ABCC9: variants seen among roughly 807,000 people sequenced by gnomAD.
ABCC9 encodes ATP-binding cassette sub-family C member 9.
ABCC9 carries 95 observed loss-of-function variants against 188.3 expected under a neutral mutation model. The observed-to-expected ratio is 0.50, with a 90% CI of 0.43 to 0.60. The LOEUF (loss-of-function observed/expected upper bound fraction) is 0.60. Ranked by LOEUF, ABCC9 falls within the 20% of genes least tolerant of loss-of-function variation. The pLI is 0.00. For synonymous variants in ABCC9, 659 were observed against 652.7 expected (o/e 1.01, Z -0.15); for missense variants, 1,102 against 1,876.3 (o/e 0.59, Z 7.62).
chr12:21,924,680 C>A (rs1462531332), intron 5 of ABCC9: 5 of 151,946 alleles, frequency 3.3e-5, no homozygotes, highest in African/African-American at 1.2e-4. Context: ...TATAACCTTT[C>A]TTTTTACCAT....
rs749597050 is a variant in ABCC9, at chr12:21,933,900, C to T, written c.166G>A (p.Val56Ile). 3 of 1,613,540 alleles carry T rather than the reference C, an allele frequency of 1.9e-6. No homozygotes were observed. Among genetic ancestry groups the T allele is most frequent in the Non-Finnish European group, 2.5e-6 (3 of 1,179,624 alleles). Residue 56 changes from valine to isoleucine, a missense_variant, in exon 4 of 40, where the codon GTA becomes ATA. Physicochemically the swap from Val to Ile is conservative, Grantham distance 29. Coordinates refer to ENST00000261200, the MANE Select transcript of ABCC9 (RefSeq NM_020297.4). ...FIGWGSQSSK[V>I]QIHHNTWLHF... The stretch of plus-strand genomic sequence containing the variant: ...AGCCATGTGTTGTGGTGAATTTGTA[C>T]TTTTGAGCTTTGGCTCCCCCACCCT...
At position 21,876,098 on chromosome 12, in the gene ABCC9, C is replaced by T. The variant is rs1424098609; in HGVS notation, c.2020-372G>A. Among the ~76,000 whole-genome samples the T allele has an allele frequency of 8.5e-5, 13 of 152,088 alleles. 1 individual carries two copies. On this transcript the variant is annotated intron_variant, in intron 16 of 39. Coordinates refer to ENST00000261200, the MANE Select transcript of ABCC9 (RefSeq NM_020297.4). ...ATAAAAACTTGTAAGTACTAAAAGA[C>T]TCAACCCAAGGTAGAACACACAACG...
chr12:21,852,051 C>G, intron 24 of ABCC9, 46 bp downstream of exon 24: 1 of 1,609,966 alleles, frequency 6.2e-7, no homozygotes, highest in Non-Finnish European at 8.5e-7. Context: ...AAATTTCTAA[C>G]TCTTCTGAAT....
chr12:21,885,415 AT>A (rs1946823135), intron 15 of ABCC9, among the ~76,000 whole-genome samples: 1 of 151,930 alleles, frequency 6.6e-6, no homozygotes, highest in African/African-American at 2.4e-5. Context: ...TCTCAGTTCA[AT>A]TTTTCTTCTA....
intron 3 of ABCC9, among the ~76,000 whole-genome samples, chr12:21,936,162 A>C (rs958342647): frequency 1.3e-5 from 2 of 152,154 alleles, no homozygotes; most frequent in Non-Finnish European, 2.9e-5. Flanking sequence ...TGACTTTAAC[A>C]CATCTGCCCC....
At chr12:21,915,945 G>A (rs773231196) in intron 6 of ABCC9, 35 bp from the exon 7 acceptor site, 4 of 1,588,924 alleles carry the variant, frequency 2.5e-6, no homozygotes, top group East Asian at 4.5e-5. Flanking sequence ...ATAACAATTA[G>A]TCCAATTATT....
rs1941229512 is a variant in ABCC9 at position 21,797,915 on chromosome 12, A to AAAATTTATAAAATTTAT, written c.*3128_*3129insATAAATTTTATAAATTT. The AAAATTTATAAAATTTAT allele has an allele frequency of 6.6e-6, 1 of 152,216 alleles. No individual in the cohort carries two copies. Among genetic ancestry groups the AAAATTTATAAAATTTAT allele is most frequent in the Non-Finnish European group, 1.5e-5 (1 of 68,036 alleles). 9.4% of individuals were successfully genotyped at this position (152,216 alleles called of 1,614,324 possible). A position where few individuals can be genotyped will look rare whatever the true frequency, so the allele number is the denominator to read the frequency against. On this transcript the variant is annotated 3_prime_UTR_variant, in exon 40 of 40. Coordinates refer to ENST00000261200, the MANE Select transcript of ABCC9 (RefSeq NM_020297.4). ...AATTAAATATAAAATTTATAAATGT[A>AAAATTTATAAAATTTAT]AAATCTGATTTAGTTAAGGTGGTCA...
At chr12:21,827,362 G>A (rs1346759801) in intron 31 of ABCC9, 2 of 962,710 alleles carry the variant, frequency 2.1e-6, no homozygotes, top group Non-Finnish European at 1.2e-6. Flanking sequence ...CAAGTCCAAG[G>A]CAAATATGCT....
intron 14 of ABCC9, 78 bp downstream of exon 14, chr12:21,893,954 A>G (rs1330978383): frequency 3.4e-6 from 5 of 1,450,338 alleles, no homozygotes; most frequent in African/African-American, 1.4e-5. Flanking sequence ...TCTTTTTTAT[A>G]TTTTTTCAAA....
chr12:21,882,454 T>C (rs1301899229), intron 16 of ABCC9, among the ~76,000 whole-genome samples: 3 of 152,218 alleles, frequency 2.0e-5, no homozygotes, highest in Admixed American at 6.5e-5. Flanking sequence ...GGTATTCTCA[T>C]TAATCAATTT....
intron 4 of ABCC9, among the ~76,000 whole-genome samples, chr12:21,926,883 C>T (rs973973667): frequency 9.2e-5 from 14 of 152,296 alleles, no homozygotes; most frequent in African/African-American, 2.6e-4. Flanking sequence ...TAGTAGACAG[C>T]CCTCAACTCC....
intron 12 of ABCC9, among the ~76,000 whole-genome samples, chr12:21,904,719 C>T (rs1285004721): frequency 6.6e-6 from 1 of 152,174 alleles, no homozygotes; most frequent in Non-Finnish European, 1.5e-5. Context: ...CAAATTAAAA[C>T]CACAATGAGA....
chr12:21,864,529 C>A, intron 18 of ABCC9, 52 bp from the exon 19 acceptor site: 1 of 1,257,218 alleles, frequency 8.0e-7, no homozygotes, highest in Non-Finnish European at 1.2e-6. Flanking sequence ...AATATAGAAC[C>A]AATGTGCATA....
chr12:21,832,781 C>T (rs1943847038), intron 30 of ABCC9, among the ~76,000 whole-genome samples: 1 of 152,024 alleles, frequency 6.6e-6, no homozygotes, highest in Non-Finnish European at 1.5e-5. Context: ...GGTATCTACC[C>T]AGAGGAAAAG....
chr12:21,875,831 TCACAG>T (rs1181231453), intron 16 of ABCC9, 105 bp from the exon 17 acceptor site: 8 of 870,344 alleles, frequency 9.2e-6, no homozygotes, highest in Non-Finnish European at 1.3e-5. Flanking sequence ...ATGCCTGTAA[TCACAG>T]CACTTTGGGA....
At chr12:21,878,275 A>G (rs537560980) in intron 16 of ABCC9, among the ~76,000 whole-genome samples, 1 of 152,372 alleles carries the variant, frequency 6.6e-6, no homozygotes, top group South Asian at 2.1e-4. Flanking sequence ...TCTGATTTAG[A>G]GTTATGGCTA....
At chr12:21,865,924 A>G (rs577192570) in intron 18 of ABCC9, among the ~76,000 whole-genome samples, 24 of 151,302 alleles carry the variant, frequency 1.6e-4, no homozygotes, top group Middle Eastern at 6.8e-3. Context: ...GGGGTAAAAG[A>G]TGGTAGTAGG....
Position 21,848,194 on chromosome 12 carries a change from A to C in ABCC9, c.2822T>G (p.Met941Arg). 1 of 1,613,618 alleles carries C rather than the reference A, an allele frequency of 6.2e-7. No homozygotes were observed. Among genetic ancestry groups the C allele is most frequent in the Non-Finnish European group, 8.5e-7 (1 of 1,179,642 alleles). ...CTGGGCTTTGGCTTCTCTTGAATACATGGCCCGTCGGAGAGTTTTCCTCTC... is the reference window on the plus strand; with the variant it reads ...CTGGGCTTTGGCTTCTCTTGAATACCTGGCCCGTCGGAGAGTTTTCCTCTC... Reference protein sequence around the residue: ...TLERKTLRRAMYSREAKAQME... With the variant: ...TLERKTLRRARYSREAKAQME... Residue 941 changes from methionine (M) to arginine (R), a missense_variant, in exon 25 of 40, where the codon ATG becomes AGG. Physicochemically the swap from Met to Arg is moderately conservative, Grantham distance 91. Transcript: ENST00000261200.
intron 17 of ABCC9, among the ~76,000 whole-genome samples, chr12:21,873,515 T>C (rs1946183131): frequency 6.6e-6 from 1 of 152,150 alleles, no homozygotes; most frequent in African/African-American, 2.4e-5. Context: ...AGATTCAATG[T>C]AATCCTTATC....
Sources: allele counts gnomAD v4.1 joint callset (sites outside exome capture counted in the v4.1 genomes callset), GRCh38; gene constraint gnomAD v4.1.1; transcripts MANE v1.5; gene names NCBI Gene and HGNC (gene_info 2026-07-23, HGNC 2026-07-21).